The following RIC8A variants were observed in gnomAD, a reference collection of about 807,000 sequenced individuals.
RIC8A encodes RIC8 guanine nucleotide exchange factor A, also known as chaperone Ric-8A.
Under a neutral mutation model 48.4 loss-of-function variants are expected in RIC8A, and 37 were observed. That is an observed-to-expected ratio of 0.77 (90% CI 0.59 to 1.01). The LOEUF is 1.01. RIC8A is among the 50% of genes least tolerant of loss of function. The pLI is 0.00. For missense variants in RIC8A, 681 were observed against 696.8 expected, an observed-to-expected ratio of 0.98 and a Z score of 0.25; for synonymous variants, 288 against 283.4, an observed-to-expected ratio of 1.02 and a Z score of -0.16.
intron 9 of RIC8A, chr11:213,631 C>T (rs1462876893): frequency 3.6e-6 from 2 of 558,186 alleles, no homozygotes; most frequent in South Asian, 2.1e-5. Flanking sequence ...CAGATGATAA[C>T]TGAGGCCCAG....
At chr11:209,163 C>G (rs1302222050) in intron 1 of RIC8A, 108 bp from the exon 2 acceptor site, 1 of 1,351,402 alleles carries the variant, frequency 7.4e-7, no homozygotes, top group East Asian at 2.3e-5. Flanking sequence ...CCCTGCCATC[C>G]GTTCTGAGCA....
At position 209,430 on chromosome 11, in the gene RIC8A, C is replaced by A. The variant is rs768353060; in HGVS notation, c.156C>A (p.Ser52=). ...DRKRLAELLV[S]VLEQGLPPSH... is the part of the protein sequence containing the mutation. ...AGAGACTGGCGGAGCTGCTGGTCTC[C>A]GTCCTGGAACAGGGCTTGCCACCCT... is the stretch of plus-strand genomic sequence containing the variant. The change falls in exon 3 of 10, where the codon TCC becomes TCA. Residue 52 remains serine, a synonymous_variant. Transcript: ENST00000526104. The A allele has an allele frequency of 6.2e-6, 10 of 1,601,108 alleles. No homozygotes were observed. The highest frequency in any genetic ancestry group is 6.8e-6 in the Non-Finnish European group (8 of 1,170,432).
rs1441187659 is a variant in RIC8A, at chr11:211,259, G to A, written c.879G>A (p.Leu293=). 1 of 1,614,138 alleles carries A rather than the reference G, an allele frequency of 6.2e-7. No individual in the cohort carries two copies. ...PLKCLDVLLT[L]EPHGDSTEFM... is the part of the protein sequence containing the mutation. ...AGTGTCTGGATGTTCTCCTCACCCT[G>A]GAGCCACATGGAGACTCCACGGAGT... The change falls in exon 5 of 10, where the codon CTG becomes CTA. Residue 293 remains leucine (L), a synonymous_variant. Transcript: ENST00000526104. This position sits in a 1 kb window ranked among gnomAD's most constrained non-coding sequence, Gnocchi z 4.0.
At position 211,129 on chromosome 11, in the gene RIC8A, G is replaced by A. The variant is rs897540120; in HGVS notation, c.819-70G>A. 56 of 1,496,326 alleles carry A rather than the reference G, an allele frequency of 3.7e-5. No individual in the cohort carries two copies. Among genetic ancestry groups the A allele is most frequent in the South Asian group, 6.3e-5 (5 of 79,812 alleles). 92.7% of individuals were successfully genotyped at this position (1,496,326 alleles called of 1,614,324 possible). On this transcript the variant is annotated intron_variant, in intron 4 of 9. Coordinates refer to ENST00000526104, the MANE Select transcript of RIC8A (RefSeq NM_001286134.2). The surrounding 1 kb of genome is among the most constrained non-coding windows in gnomAD (Gnocchi z 4.0). ...CAGCTCATGTAATGTGTGGTTCAGC[G>A]GAGTCACAAAGATTGCACCTGTGCT...
chr11:213,909 C>G (rs899536519), intron 9 of RIC8A: 1 of 338,432 alleles, frequency 3.0e-6, no homozygotes, highest in Non-Finnish European at 5.5e-6. Context: ...ATTGTGCCAC[C>G]GCACTCCAGC....
rs1160802824 is a variant in RIC8A, at chr11:211,266, C to T, written c.886C>T (p.His296Tyr). ...GGATGTTCTCCTCACCCTGGAGCCA[C>T]ATGGAGACTCCACGGAGTTCATGGG... ...CLDVLLTLEP[H>Y]GDSTEFMGVN... is the part of the protein sequence containing the mutation. The change falls in exon 5 of 10, where the codon CAT becomes TAT. Residue 296 changes from histidine to tyrosine, a missense_variant. By Grantham distance (83) the His-to-Tyr change is moderately conservative. Coordinates refer to ENST00000526104, the MANE Select transcript of RIC8A (RefSeq NM_001286134.2). This position sits in a 1 kb window ranked among gnomAD's most constrained non-coding sequence, Gnocchi z 4.0. The T allele has an allele frequency of 6.2e-7, 1 of 1,614,150 alleles. No individual in the cohort carries two copies.
At position 212,746 on chromosome 11, in the gene RIC8A, G is replaced by A; in HGVS notation, c.1197G>A (p.Leu399=). ...TGGCTGCCGAGTTCTTGTTTGTCCT[G>A]TGCTCTGAGAGTGGTGAGTTATGGA... ...KRVAAEFLFV[L]CSESVPRFIK... Residue 399 remains leucine, a synonymous_variant, in exon 7 of 10, where the codon CTG becomes CTA. Coordinates refer to ENST00000526104, the MANE Select transcript of RIC8A (RefSeq NM_001286134.2). 4 of 1,614,094 alleles carry A rather than the reference G, an allele frequency of 2.5e-6. No homozygotes were observed. Among genetic ancestry groups the A allele is most frequent in the Non-Finnish European group, 3.4e-6 (4 of 1,180,022 alleles).
Position 211,136 on chromosome 11 carries a change from C to T in RIC8A, c.819-63C>T, listed in dbSNP as rs1855345971. The T allele has an allele frequency of 1.3e-6, 2 of 1,540,960 alleles. No individual in the cohort carries two copies. The highest frequency in any genetic ancestry group is 1.8e-6 in the Non-Finnish European group (2 of 1,136,018). On this transcript the variant is annotated intron_variant, in intron 4 of 9. Coordinates refer to ENST00000526104, the MANE Select transcript of RIC8A (RefSeq NM_001286134.2). The surrounding 1 kb of genome is among the most constrained non-coding windows in gnomAD (Gnocchi z 4.0). The stretch of plus-strand genomic sequence containing the variant: ...TGTAATGTGTGGTTCAGCGGAGTCA[C>T]AAAGATTGCACCTGTGCTCAGGGAT...
At position 212,447 on chromosome 11, in the gene RIC8A, T is replaced by C. The variant is rs148837685; in HGVS notation, c.1001T>C (p.Val334Ala). ...THRLKESVAP[V>A]LSVLTECARM... is the part of the protein sequence containing the mutation. The stretch of plus-strand genomic sequence containing the variant: ...AGGCTGAAGGAGAGTGTAGCTCCCG[T>C]GCTGAGCGTGCTGACTGAATGTGCC... The change falls in exon 6 of 10, where the codon GTG becomes GCG. Residue 334 changes from valine to alanine, a missense_variant. Physicochemically the swap from Val to Ala is moderately conservative, Grantham distance 64. Coordinates refer to ENST00000526104, the MANE Select transcript of RIC8A (RefSeq NM_001286134.2). 8 of 1,613,830 alleles carry C rather than the reference T, an allele frequency of 5.0e-6. No homozygotes were observed. The African/African-American group carries it at 9.3e-5, about 19-fold the overall frequency.
intron 7 of RIC8A, 39 bp downstream of exon 7, chr11:212,798 C>T: frequency 6.2e-7 from 1 of 1,611,768 alleles, no homozygotes; most frequent in Non-Finnish European, 8.5e-7. Flanking sequence ...CACCCCACCT[C>T]AGCCAGGCTT....
At chr11:210,217 C>A in intron 3 of RIC8A, 1 of 633,714 alleles carries the variant, frequency 1.6e-6, no homozygotes, top group Non-Finnish European at 2.8e-6. Flanking sequence ...CTCTTGCTGC[C>A]TGGCAGGAGG....
Position 210,006 on chromosome 11 carries a change from C to A in RIC8A, c.726+6C>A. ...TCAAGGGGGAGGTGGACGAGGTGAG[C>A]ACTGACCTTAACCCATGGATGGGTC... On this transcript the variant is annotated splice_donor_region_variant and intron_variant, in intron 3 of 9. Coordinates refer to ENST00000526104, the MANE Select transcript of RIC8A (RefSeq NM_001286134.2). 6.3e-7 allele frequency: 1 copy of A among 1,575,662 alleles called. No individual in the cohort carries two copies. Among genetic ancestry groups the A allele is most frequent in the Non-Finnish European group, 8.6e-7 (1 of 1,164,628 alleles).
chr11:210,275 T>C lies in RIC8A; in HGVS notation c.726+275T>C, dbSNP rs1590074680. 1.2e-5 allele frequency: 8 copies of C among 680,260 alleles called. No individual in the cohort carries two copies. The East Asian group carries it at 2.2e-4, about 19-fold the overall frequency. The allele number at this position is 680,260 out of a possible 1,614,324, so 42.1% of individuals were successfully genotyped here. A position where few individuals can be genotyped will look rare whatever the true frequency, so the allele number is the denominator to read the frequency against. On this transcript the variant is annotated intron_variant, in intron 3 of 9. Coordinates refer to ENST00000526104, the MANE Select transcript of RIC8A (RefSeq NM_001286134.2). Reference sequence around the variant, plus strand: ...TGTAAGAGATCCTCCACCATGAGGCTGTGAGTGGGGCTGAGACAGAGTGTG... The same window carrying C: ...TGTAAGAGATCCTCCACCATGAGGCCGTGAGTGGGGCTGAGACAGAGTGTG...
At position 209,806 on chromosome 11, in the gene RIC8A, G is replaced by C; in HGVS notation, c.532G>C (p.Val178Leu). 2 of 1,614,042 alleles carry C rather than the reference G, an allele frequency of 1.2e-6. No homozygotes were observed. Among genetic ancestry groups the C allele is most frequent in the Non-Finnish European group, 1.7e-6 (2 of 1,180,048 alleles). ...LFLLTALRTD[V>L]RQQLFQELKG... ...CCTGCTAACGGCACTCCGCACCGAT[G>C]TGCGCCAGCAGCTGTTTCAGGAGCT... Residue 178 changes from valine (V) to leucine (L), a missense_variant, in exon 3 of 10, where the codon GTG (valine) becomes CTG (leucine). Val to Leu is a conservative substitution (Grantham distance 32). Coordinates refer to ENST00000526104, the MANE Select transcript of RIC8A (RefSeq NM_001286134.2).
Position 214,591 on chromosome 11 carries a change from G to A in RIC8A, c.*241G>A, listed in dbSNP as rs1018485959. 1.5e-5 allele frequency: 9 copies of A among 597,190 alleles called. No homozygotes were observed. Among genetic ancestry groups the A allele is most frequent in the African/African-American group, 1.1e-4 (6 of 54,356 alleles). 37.0% of individuals were successfully genotyped at this position (597,190 alleles called of 1,614,324 possible). Reference sequence around the variant, plus strand: ...AGGCTCAGCCTCGAATTCCACAGACGAAGTACTTTCTTTTGTCTGCGCCAA... The same window carrying A: ...AGGCTCAGCCTCGAATTCCACAGACAAAGTACTTTCTTTTGTCTGCGCCAA... On this transcript the variant is annotated 3_prime_UTR_variant, in exon 10 of 10. Transcript: ENST00000526104.
rs758694577 is a variant in RIC8A at position 208,897 on chromosome 11, G to A, written c.43G>A (p.Glu15Lys). ...AVAEAVETGE[E>K]DVIMEALRSY... ...TGCAGAAGCCGTGGAGACGGGTGAG[G>A]AGGATGTGATTATGGAAGCTCTGCG... Residue 15 changes from glutamate to lysine, a missense_variant, in exon 1 of 10, where the codon GAG becomes AAG. Coordinates refer to ENST00000526104, the MANE Select transcript of RIC8A (RefSeq NM_001286134.2). This position sits in a 1 kb window ranked among gnomAD's most constrained non-coding sequence, Gnocchi z 4.8. 4.3e-6 allele frequency: 7 copies of A among 1,611,196 alleles called. No homozygotes were observed. The African/African-American group carries it at 6.7e-5, about 15-fold the overall frequency.
At chr11:212,198 G>C in intron 5 of RIC8A, 1 of 573,898 alleles carries the variant, frequency 1.7e-6, no homozygotes, top group Non-Finnish European at 3.1e-6. Context: ...GTACCTCTGA[G>C]TTACGCTCTA....
At chr11:213,670 C>T (rs1855435855) in intron 9 of RIC8A, 7 of 389,996 alleles carry the variant, frequency 1.8e-5, no homozygotes, top group Admixed American at 4.0e-5. Flanking sequence ...TAAGGCCGGG[C>T]GTGGTAGCTC....
At chr11:212,574 G>A in intron 6 of RIC8A, 41 bp from the exon 7 acceptor site, 1 of 1,613,096 alleles carries the variant, frequency 6.2e-7, no homozygotes, top group Non-Finnish European at 8.5e-7. Flanking sequence ...ACAGACCCTT[G>A]GCTGCTCTAA....
Sources: allele counts gnomAD v4.1 joint callset, GRCh38; gene constraint gnomAD v4.1.1; non-coding constraint Gnocchi (gnomAD v3.1); transcripts MANE v1.5; gene names NCBI Gene and HGNC (gene_info 2026-07-23, HGNC 2026-07-21).